GLI2: variants seen among roughly 807,000 people sequenced by gnomAD.
GLI2 encodes GLI family zinc finger 2.
Under a neutral mutation model 78.9 loss-of-function variants are expected in GLI2, and 22 were observed. The ratio of observed to expected loss-of-function variants is 0.28; its 90% confidence interval spans 0.20 to 0.40. GLI2 has a LOEUF of 0.40. Among genes scored for constraint, GLI2 ranks in the 10% least tolerant of loss-of-function variants. The probability of loss-of-function intolerance (pLI) is 1.00; values close to 1 mark genes in which losing one functional copy is unlikely to be tolerated. For missense variants in GLI2, 2,097 were observed against 2,213.2 expected, an observed-to-expected ratio of 0.95 and a Z score of 1.05; for synonymous variants, 974 against 963.7, an observed-to-expected ratio of 1.01 and a Z score of -0.20.
At chr2:120,881,714 G>A (rs1436714282) in intron 2 of GLI2, among the ~76,000 whole-genome samples, 27 of 100,320 alleles carry the variant, frequency 2.7e-4, no homozygotes, top group South Asian at 4.3e-4. Context: ...AGTGGGGAGA[G>A]GGCAGGTGGG....
intron 2 of GLI2, among the ~76,000 whole-genome samples, chr2:120,917,238 G>A (rs535982389): frequency 4.6e-5 from 7 of 152,320 alleles, no homozygotes; most frequent in Admixed American, 4.6e-4. Context: ...GTTTCATATA[G>A]GATTAAGTGG....
chr2:120,909,972 G>A (rs1038385873), intron 2 of GLI2, among the ~76,000 whole-genome samples: 4 of 152,194 alleles, frequency 2.6e-5, no homozygotes, highest in African/African-American at 9.7e-5. Context: ...TTCCATAAGG[G>A]ACCGATGACT....
chr2:120,887,628 A>C (rs1677476359), intron 2 of GLI2, among the ~76,000 whole-genome samples: 1 of 152,228 alleles, frequency 6.6e-6, no homozygotes, highest in Non-Finnish European at 1.5e-5. Context: ...GGATATGTAC[A>C]CAGCAATCAT....
intron 1 of GLI2, among the ~76,000 whole-genome samples, chr2:120,752,658 A>C (rs1039835439): frequency 1.3e-5 from 2 of 152,232 alleles, no homozygotes; most frequent in Non-Finnish European, 2.9e-5. Flanking sequence ...TTATACATAC[A>C]TTATAAAGTT....
chr2:120,834,928 G>A (rs1384370765), intron 2 of GLI2, among the ~76,000 whole-genome samples: 1 of 152,126 alleles, frequency 6.6e-6, no homozygotes, highest in Non-Finnish European at 1.5e-5. Context: ...TGTTCTCTGG[G>A]CTAAACCCAC....
At chr2:120,938,691 G>A (rs768087065) in intron 3 of GLI2, among the ~76,000 whole-genome samples, 9 of 152,206 alleles carry the variant, frequency 5.9e-5, no homozygotes, top group Non-Finnish European at 1.2e-4. Flanking sequence ...TATGGGATGC[G>A]TGTTTGCTGC....
At chr2:120,874,242 T>C (rs960370111) in intron 2 of GLI2, among the ~76,000 whole-genome samples, 7 of 152,144 alleles carry the variant, frequency 4.6e-5, no homozygotes, top group Admixed American at 3.9e-4. Flanking sequence ...CTTTGGTCTG[T>C]CTTCTCAACT....
chr2:120,763,223 TTTGA>T (rs1314972022), intron 1 of GLI2, among the ~76,000 whole-genome samples: 2 of 152,218 alleles, frequency 1.3e-5, no homozygotes, highest in Non-Finnish European at 1.5e-5. Context: ...CTGCTATGCT[TTTGA>T]TTGATTAACT....
intron 2 of GLI2, among the ~76,000 whole-genome samples, chr2:120,876,744 G>T (rs1045989162): frequency 6.6e-6 from 1 of 152,182 alleles, no homozygotes; most frequent in East Asian, 2.0e-4. Flanking sequence ...GAGGAGCAAG[G>T]TTCTGCTGGC....
intron 3 of GLI2, 131 bp downstream of exon 3, chr2:120,927,597 CG>C: frequency 1.3e-6 from 1 of 751,182 alleles, no homozygotes; most frequent in East Asian, 2.5e-5. Context: ...TTGTCCTGAG[CG>C]GGCGATCACC....
chr2:120,798,616 T>G (rs915430943), intron 2 of GLI2, among the ~76,000 whole-genome samples: 8 of 152,190 alleles, frequency 5.3e-5, no homozygotes, highest in Non-Finnish European at 8.8e-5. Context: ...TTCAGGCCCC[T>G]TGGGGAGGTG....
At chr2:120,751,552 A>G (rs1488477410) in intron 1 of GLI2, among the ~76,000 whole-genome samples, 3 of 152,214 alleles carry the variant, frequency 2.0e-5, no homozygotes, top group Admixed American at 6.5e-5. Context: ...TAGTGTGCAT[A>G]ACTTTCTCTT....
intron 11 of GLI2, among the ~76,000 whole-genome samples, chr2:120,983,190 G>A (rs1472008330): frequency 6.6e-6 from 1 of 152,088 alleles, no homozygotes; most frequent in Admixed American, 6.5e-5. Flanking sequence ...CCATCATGAG[G>A]TCCTCGAGAG....
intron 2 of GLI2, among the ~76,000 whole-genome samples, chr2:120,857,366 C>T (rs1383391282): frequency 7.1e-6 from 1 of 141,344 alleles, no homozygotes; most frequent in Non-Finnish European, 1.5e-5. Context: ...CCTATCTGCC[C>T]ACTCACCTAC....
intron 2 of GLI2, among the ~76,000 whole-genome samples, chr2:120,837,512 A>G (rs928286743): frequency 3.3e-5 from 5 of 151,992 alleles, no homozygotes; most frequent in Non-Finnish European, 7.4e-5. Flanking sequence ...ACGGTTGTAC[A>G]TTTTAACACA....
At chr2:120,830,400 C>T (rs1686299928) in intron 2 of GLI2, among the ~76,000 whole-genome samples, 1 of 152,206 alleles carries the variant, frequency 6.6e-6, no homozygotes, top group Non-Finnish European at 1.5e-5. Context: ...AGGAGGTTGG[C>T]CCTGCTGGGG....
intron 2 of GLI2, among the ~76,000 whole-genome samples, chr2:120,815,820 CT>C (rs1163127891): frequency 6.6e-6 from 1 of 152,178 alleles, no homozygotes; most frequent in East Asian, 1.9e-4. Context: ...GCCTCTGGTG[CT>C]GGGCTGAAGT....
intron 3 of GLI2, among the ~76,000 whole-genome samples, chr2:120,930,636 T>A (rs1033530628): frequency 6.6e-6 from 1 of 152,196 alleles, no homozygotes; most frequent in Non-Finnish European, 1.5e-5. Context: ...GAGTCTGTTG[T>A]GGGTACTGCA....
At chr2:120,837,434 A>G (rs1453422489) in intron 2 of GLI2, among the ~76,000 whole-genome samples, 1 of 151,194 alleles carries the variant, frequency 6.6e-6, no homozygotes, top group Non-Finnish European at 1.5e-5. Context: ...TTGTTTAGAC[A>G]TGTTATAAAT....
Sources: allele counts gnomAD v4.1 joint callset (sites outside exome capture counted in the v4.1 genomes callset), GRCh38; gene constraint gnomAD v4.1.1; transcripts MANE v1.5; gene names NCBI Gene and HGNC (gene_info 2026-07-23, HGNC 2026-07-21).